Variants in B3GLCT observed in about 807,000 individuals in gnomAD.
The protein encoded by B3GLCT is beta 3-glucosyltransferase.
Under a neutral mutation model 63.4 loss-of-function variants are expected in B3GLCT, and 65 were observed. The observed-to-expected ratio is 1.03, with a 90% CI of 0.84 to 1.26. The LOEUF (loss-of-function observed/expected upper bound fraction) is 1.26, where lower values mean the gene tolerates loss of function less well. Among genes scored for constraint, B3GLCT ranks in the 50% most tolerant of loss-of-function variants. The pLI is 0.00. For synonymous variants in B3GLCT, 233 were observed against 219.2 expected (o/e 1.06, Z -0.55); for missense variants, 577 against 604.8 (o/e 0.95, Z 0.48).
chr13:31,274,433 T>G, intron 8 of B3GLCT, 76 bp from the exon 9 acceptor site: 2 of 1,580,392 alleles, frequency 1.3e-6, no homozygotes, highest in Non-Finnish European at 1.7e-6. Flanking sequence ...CTGCTTTCCC[T>G]TGAGATATTT....
intron 8 of B3GLCT, among the ~76,000 whole-genome samples, chr13:31,270,129 C>G (rs1872518672): frequency 6.6e-6 from 1 of 152,114 alleles, no homozygotes; most frequent in Non-Finnish European, 1.5e-5. Flanking sequence ...GGCAGTTGTC[C>G]CATCATTAAT....
intron 14 of B3GLCT, among the ~76,000 whole-genome samples, chr13:31,327,082 C>T (rs1445523822): frequency 1.3e-5 from 2 of 152,166 alleles, no homozygotes; most frequent in African/African-American, 4.8e-5. Context: ...ACAATCCCCC[C>T]AGTGGATGTT....
At chr13:31,301,906 A>G (rs1874240417) in intron 12 of B3GLCT, among the ~76,000 whole-genome samples, 1 of 152,040 alleles carries the variant, frequency 6.6e-6, no homozygotes, top group Non-Finnish European at 1.5e-5. Flanking sequence ...TATTCATTCC[A>G]TTTTTTAATA....
At chr13:31,242,570 C>T (rs1871009095) in intron 4 of B3GLCT, among the ~76,000 whole-genome samples, 1 of 152,194 alleles carries the variant, frequency 6.6e-6, no homozygotes, top group South Asian at 2.1e-4. Flanking sequence ...GGTGGCAGAG[C>T]CACAACTAGG....
chr13:31,329,744 CACA>C lies in B3GLCT; in HGVS notation c.*80_*82del. On this transcript the variant is annotated 3_prime_UTR_variant, in exon 15 of 15. Transcript: ENST00000343307. The stretch of plus-strand genomic sequence containing the variant: ...TGGCCTCATCCCACTGTGCTGTGCT[CACA>C]ACACTTGTGTCTGCCACATGGCATT... 6.6e-7 allele frequency: 1 copy of C among 1,519,424 alleles called. No homozygotes were observed. The highest frequency in any genetic ancestry group is 9.1e-7 in the Non-Finnish European group (1 of 1,100,460). 94.1% of individuals were successfully genotyped at this position (1,519,424 alleles called of 1,614,324 possible). A position where few individuals can be genotyped will look rare whatever the true frequency, so the allele number is the denominator to read the frequency against.
At chr13:31,296,194 C>G (rs1490617639) in intron 12 of B3GLCT, among the ~76,000 whole-genome samples, 1 of 152,240 alleles carries the variant, frequency 6.6e-6, no homozygotes, top group Non-Finnish European at 1.5e-5. Flanking sequence ...GTTGGAAATG[C>G]AGAAATCACC....
In B3GLCT at chr13:31,299,249, G is replaced by A. The variant is rs548473524; in HGVS notation, c.1064+12430G>A. Among the ~76,000 whole-genome samples the A allele has an allele frequency of 8.5e-4, 129 of 152,232 alleles. 1 individual carries two copies. In the South Asian group the frequency reaches 0.015, roughly 17 times the overall value. On this transcript the variant is annotated intron_variant, in intron 12 of 14. Coordinates refer to ENST00000343307, the MANE Select transcript of B3GLCT (RefSeq NM_194318.4). ...TATGTTTCCAGTGTTTTAATTACCT[G>A]TTCTATTCATCTATCAAACTATGAC... is the stretch of plus-strand genomic sequence containing the variant.
At chr13:31,314,432 A>G (rs1593316056) in intron 12 of B3GLCT, among the ~76,000 whole-genome samples, 1 of 152,210 alleles carries the variant, frequency 6.6e-6, no homozygotes, top group Non-Finnish European at 1.5e-5. Flanking sequence ...TGTTACCTGG[A>G]TGTGAGACAT....
At chr13:31,234,655 G>A (rs1050745812) in intron 4 of B3GLCT, among the ~76,000 whole-genome samples, 9 of 152,132 alleles carry the variant, frequency 5.9e-5, no homozygotes, top group African/African-American at 1.9e-4. Flanking sequence ...TGGGAAGTCA[G>A]GATGGATCAT....
chr13:31,318,567 T>C, intron 13 of B3GLCT, among the ~76,000 whole-genome samples: 1 of 152,226 alleles, frequency 6.6e-6, no homozygotes, highest in East Asian at 1.9e-4. Context: ...GCATGTGTGC[T>C]GATCTTTGTT....
rs943496135 is a variant in B3GLCT at position 31,200,031 on chromosome 13, C to G, written c.-54C>G. ...GGCGGCAGCGGCGCAGCTCCGCTCC[C>G]CGCGCGTCTCCCTTCCCCGCGCCCA... On this transcript the variant is annotated 5_prime_UTR_variant, in exon 1 of 15. Coordinates refer to ENST00000343307, the MANE Select transcript of B3GLCT (RefSeq NM_194318.4). 263 of 1,192,726 alleles carry G rather than the reference C, an allele frequency of 2.2e-4. 1 individual carries two copies. In the African/African-American group the frequency reaches 3.7e-3, roughly 17 times the overall value. The allele number at this position is 1,192,726 out of a possible 1,614,324, so 73.9% of individuals were successfully genotyped here.
chr13:31,240,312 A>C (rs1441971502), intron 4 of B3GLCT, among the ~76,000 whole-genome samples: 3 of 152,276 alleles, frequency 2.0e-5, no homozygotes, highest in East Asian at 3.9e-4. Flanking sequence ...GAGAACTGAC[A>C]CTTCTAATTT....
intron 12 of B3GLCT, among the ~76,000 whole-genome samples, chr13:31,294,860 G>T (rs370286310): frequency 6.6e-5 from 10 of 152,136 alleles, no homozygotes; most frequent in African/African-American, 2.4e-4. Flanking sequence ...TGCTGGTGAA[G>T]AGTTGTTATC....
chr13:31,310,493 G>T (rs943004920), intron 12 of B3GLCT, among the ~76,000 whole-genome samples: 1 of 152,160 alleles, frequency 6.6e-6, no homozygotes, highest in African/African-American at 2.4e-5. Flanking sequence ...CCTTCTAGGG[G>T]CCTAGACCTC....
chr13:31,234,991 G>A (rs1373889565), intron 4 of B3GLCT, among the ~76,000 whole-genome samples: 1 of 152,080 alleles, frequency 6.6e-6, no homozygotes, highest in African/African-American at 2.4e-5. Flanking sequence ...GACTAGTCTT[G>A]GGCCATGCTG....
In B3GLCT at chr13:31,330,416, T is replaced by A. The variant is rs565908120; in HGVS notation, c.*748T>A. On this transcript the variant is annotated 3_prime_UTR_variant, in exon 15 of 15. Coordinates refer to ENST00000343307, the MANE Select transcript of B3GLCT (RefSeq NM_194318.4). Reference sequence around the variant, plus strand: ...TGGCTTACTTGTAACATGAAAGTAGTAGATGCTGCCAGAAAATAGTGTCCT... The same window carrying A: ...TGGCTTACTTGTAACATGAAAGTAGAAGATGCTGCCAGAAAATAGTGTCCT... 115 of 152,320 alleles carry A rather than the reference T, an allele frequency of 7.5e-4. No individual in the cohort carries two copies. Among genetic ancestry groups the A allele is most frequent in the African/African-American group, 2.7e-3 (111 of 41,572 alleles). 9.4% of individuals were successfully genotyped at this position (152,320 alleles called of 1,614,324 possible). A position where few individuals can be genotyped will look rare whatever the true frequency, so the allele number is the denominator to read the frequency against.
intron 2 of B3GLCT, among the ~76,000 whole-genome samples, chr13:31,222,693 C>T (rs1190226536): frequency 6.6e-6 from 1 of 152,222 alleles, no homozygotes; most frequent in African/African-American, 2.4e-5. Flanking sequence ...AGCTTCAGCT[C>T]AATCAATTGA....
chr13:31,275,756 G>T (rs1361035582), intron 9 of B3GLCT, among the ~76,000 whole-genome samples: 14 of 152,070 alleles, frequency 9.2e-5, no homozygotes, highest in African/African-American at 3.4e-4. Flanking sequence ...ACAAGTCTGT[G>T]TGTGCCATTT....
chr13:31,315,995 A>G (rs576466751), intron 12 of B3GLCT, among the ~76,000 whole-genome samples: 1 of 152,342 alleles, frequency 6.6e-6, no homozygotes, highest in Admixed American at 6.5e-5. Context: ...ACAGAAGACA[A>G]GAGTTGAGGT....
Sources: allele counts gnomAD v4.1 joint callset (sites outside exome capture counted in the v4.1 genomes callset), GRCh38; gene constraint gnomAD v4.1.1; transcripts MANE v1.5; gene names NCBI Gene and HGNC (gene_info 2026-07-23, HGNC 2026-07-21).